Variants in ANKRD31 observed in about 807,000 individuals in gnomAD.
ANKRD31 encodes ankyrin repeat domain 31, also known as ankyrin repeat domain-containing protein 31.
A neutral mutation model predicts 186.0 loss-of-function variants in ANKRD31; 147 were observed. The ratio of observed to expected loss-of-function variants is 0.79; its 90% CI spans 0.69 to 0.91. The LOEUF (loss-of-function observed/expected upper bound fraction) is 0.91, where lower values mean the gene tolerates loss of function less well. ANKRD31 is among the 40% of genes least tolerant of loss of function. ANKRD31 has a pLI of 0.00. For missense variants in ANKRD31, 1,986 were observed against 2,148.8 expected, an observed-to-expected ratio of 0.92 and a Z score of 1.50; for synonymous variants, 673 against 736.4, an observed-to-expected ratio of 0.91 and a Z score of 1.39.
chr5:75,126,412 A>G (rs1749261087), intron 17 of ANKRD31, among the ~76,000 whole-genome samples: 1 of 152,180 alleles, frequency 6.6e-6, no homozygotes, highest in Non-Finnish European at 1.5e-5. Context: ...ACTGCACCCC[A>G]ATATGGGTGA....
chr5:75,203,787 C>T (rs890540398), intron 5 of ANKRD31, among the ~76,000 whole-genome samples: 3 of 152,062 alleles, frequency 2.0e-5, no homozygotes, highest in African/African-American at 7.2e-5. Context: ...TCCTCATACA[C>T]ACACACAAAA....
intron 10 of ANKRD31, among the ~76,000 whole-genome samples, chr5:75,171,374 CA>C (rs1753307995): frequency 6.6e-6 from 1 of 151,582 alleles, no homozygotes; most frequent in Non-Finnish European, 1.5e-5. Flanking sequence ...ATCACTGGAT[CA>C]AAGAAGAAAG....
chr5:75,210,821 T>A lies in ANKRD31; in HGVS notation c.326+7A>T. On this transcript the variant is annotated splice_region_variant and intron_variant, in intron 4 of 25. Transcript: ENST00000506364. The stretch of plus-strand genomic sequence containing the variant: ...AACATAATGAAGCCAAAAATTAGTA[T>A]ACTTACTGTAACAGAGCTTGATTTC... The A allele has an allele frequency of 6.7e-7, 1 of 1,497,846 alleles. No homozygotes were observed. The highest frequency in any genetic ancestry group is 8.8e-7 in the Non-Finnish European group (1 of 1,133,958). The allele number at this position is 1,497,846 out of a possible 1,614,324, so 92.8% of individuals were successfully genotyped here.
chr5:75,082,060 G>T (rs1745125546), intron 24 of ANKRD31, among the ~76,000 whole-genome samples: 1 of 152,140 alleles, frequency 6.6e-6, no homozygotes, highest in African/African-American at 2.4e-5. Context: ...CTTCCCCACA[G>T]TTATTAATGT....
In ANKRD31 at chr5:75,107,524, T is replaced by C; in HGVS notation, c.4337A>G (p.Tyr1446Cys). Residue 1446 changes from tyrosine to cysteine, a missense_variant, in exon 21 of 26, where the codon TAC becomes TGC. By Grantham distance (194) the Tyr-to-Cys change is radical. Transcript: ENST00000506364. ...KAERDDLAKKYRVSIESFKHG... is the reference protein window; with the variant it reads ...KAERDDLAKKCRVSIESFKHG... ...TTTTTTTTCTTTTTCTACTCACCTG[T>C]ATTTTTTAGCCAGATCATCCCTTTC... is the stretch of plus-strand genomic sequence containing the variant. 2 of 1,520,314 alleles carry C rather than the reference T, an allele frequency of 1.3e-6. No homozygotes were observed. Among genetic ancestry groups the C allele is most frequent in the Non-Finnish European group, 1.8e-6 (2 of 1,137,564 alleles). 94.2% of individuals were successfully genotyped at this position (1,520,314 alleles called of 1,614,324 possible).
chr5:75,220,125 CA>C (rs1757192252), intron 3 of ANKRD31, among the ~76,000 whole-genome samples: 1 of 152,064 alleles, frequency 6.6e-6, no homozygotes, highest in Non-Finnish European at 1.5e-5. Flanking sequence ...ACAAGAAAAA[CA>C]AAAACTGACA....
chr5:75,081,378 G>T (rs1745066172), intron 24 of ANKRD31, among the ~76,000 whole-genome samples: 1 of 152,096 alleles, frequency 6.6e-6, no homozygotes, highest in African/African-American at 2.4e-5. Flanking sequence ...GAAAAATCAG[G>T]ATTTGTGAAA....
At position 75,146,018 on chromosome 5, in the gene ANKRD31, TTGAC is replaced by T. The variant is rs1751405388; in HGVS notation, c.3389_3392del (p.Ser1130LysfsTer15). On this transcript the variant is annotated frameshift_variant, in exon 14 of 26. Coordinates refer to ENST00000506364, the MANE Select transcript of ANKRD31 (RefSeq NM_001372053.1). LOFTEE classifies it high-confidence loss of function. ...TGTGAGAAATTTCCTTCTTTTCTCT[TTGAC>T]TAAGTTTTGAGATGTTGGCCAATTC... 3 of 1,495,956 alleles carry T rather than the reference TTGAC, an allele frequency of 2.0e-6. No individual in the cohort carries two copies. The highest frequency in any genetic ancestry group is 1.4e-5 in the African/African-American group (1 of 70,640). The allele number at this position is 1,495,956 out of a possible 1,614,324, so 92.7% of individuals were successfully genotyped here.
Position 75,146,743 on chromosome 5 carries a change from A to G in ANKRD31, c.2668T>C (p.Phe890Leu), listed in dbSNP as rs1244710651. The G allele has an allele frequency of 6.5e-7, 1 of 1,536,256 alleles. No individual in the cohort carries two copies. The highest frequency in any genetic ancestry group is 8.7e-7 in the Non-Finnish European group (1 of 1,146,356). The change falls in exon 14 of 26, where the codon TTC becomes CTC. Residue 890 changes from phenylalanine (F) to leucine (L), a missense_variant. Transcript: ENST00000506364. ...DERFNKWENS[F>L]LSFVKENSDN... ...GAATTTTCCTTTACAAAGGATAGGAAAGAATTTTCCCATTTGTTAAATCTC... is the reference window on the plus strand; with the variant it reads ...GAATTTTCCTTTACAAAGGATAGGAGAGAATTTTCCCATTTGTTAAATCTC...
At chr5:75,089,617 G>C (rs1466508150) in intron 23 of ANKRD31, among the ~76,000 whole-genome samples, 2 of 152,110 alleles carry the variant, frequency 1.3e-5, no homozygotes, top group Non-Finnish European at 2.9e-5. Flanking sequence ...AAATCACTAG[G>C]GTAATGTTTC....
chr5:75,170,205 A>G (rs767559592), intron 10 of ANKRD31, among the ~76,000 whole-genome samples: 1 of 152,186 alleles, frequency 6.6e-6, no homozygotes, highest in African/African-American at 2.4e-5. Flanking sequence ...GACTATATGT[A>G]TTCAATGTCC....
chr5:75,232,615 T>G (rs1405731549), intron 1 of ANKRD31, among the ~76,000 whole-genome samples: 1 of 152,062 alleles, frequency 6.6e-6, no homozygotes, highest in Non-Finnish European at 1.5e-5. Flanking sequence ...GGAAGAATTT[T>G]GGGGGATAAT....
intron 15 of ANKRD31, among the ~76,000 whole-genome samples, chr5:75,141,802 AAAC>A (rs945292182): frequency 5.3e-5 from 8 of 152,072 alleles, no homozygotes; most frequent in Admixed American, 3.3e-4. Context: ...ACCCTGTCTC[AAAC>A]AACAACAACA....
chr5:75,154,122 T>C, intron 12 of ANKRD31, 79 bp downstream of exon 12: 1 of 1,259,828 alleles, frequency 7.9e-7, no homozygotes, highest in Non-Finnish European at 1.0e-6. Context: ...AAAATAAATT[T>C]AATTTCTTTA....
intron 10 of ANKRD31, among the ~76,000 whole-genome samples, chr5:75,173,277 C>T: frequency 6.6e-6 from 1 of 152,124 alleles, no homozygotes. Context: ...CAGCCAATAT[C>T]ATACTGAATG....
intron 22 of ANKRD31, among the ~76,000 whole-genome samples, chr5:75,098,284 G>C (rs912630582): frequency 6.6e-6 from 1 of 152,074 alleles, no homozygotes; most frequent in Admixed American, 6.6e-5. Context: ...ACCGTGCCCG[G>C]CCTATATCTC....
intron 17 of ANKRD31, 115 bp from the exon 18 acceptor site, chr5:75,118,412 T>G: frequency 3.8e-6 from 4 of 1,052,600 alleles, no homozygotes; most frequent in Non-Finnish European, 5.1e-6. Context: ...GTTTTCAAAC[T>G]CAGGTCAAGA....
At position 75,104,323 on chromosome 5, in the gene ANKRD31, T is replaced by G. The variant is rs1386943691; in HGVS notation, c.5236A>C (p.Ser1746Arg). The change falls in exon 22 of 26, where the codon AGT becomes CGT. Residue 1746 changes from serine to arginine, a missense_variant. Transcript: ENST00000506364. ...ATACATTTCTTTTTAGGAGCTGTAC[T>G]GTAGTTTAAAGCCTTTTTTATTGTA... ...QDTIKKALNY[S>R]TAPKKKCIQI... 1 of 1,537,224 alleles carries G rather than the reference T, an allele frequency of 6.5e-7. No individual in the cohort carries two copies. The highest frequency in any genetic ancestry group is 2.4e-5 in the East Asian group (1 of 40,908).
chr5:75,080,602 G>C lies in ANKRD31; in HGVS notation c.5613C>G (p.Asn1871Lys), dbSNP rs760315290. ...ATTTTGTTTTCTCAAACATTGATTT[G>C]TTTGGTTCCTGTACTGGGTCATCTA... ...ACLDDPVQEPNKSMFEKTKFG... is the reference protein window; with the variant it reads ...ACLDDPVQEPKKSMFEKTKFG... The change falls in exon 25 of 26, where the codon AAC (asparagine) becomes AAG (lysine). Residue 1871 changes from asparagine to lysine, a missense_variant. By Grantham distance (94) the Asn-to-Lys change is moderately conservative. Coordinates refer to ENST00000506364, the MANE Select transcript of ANKRD31 (RefSeq NM_001372053.1). 42 of 1,522,920 alleles carry C rather than the reference G, an allele frequency of 2.8e-5. No individual in the cohort carries two copies. In the African/African-American group the frequency reaches 5.7e-4, roughly 21 times the overall value. The allele number at this position is 1,522,920 out of a possible 1,614,324, so 94.3% of individuals were successfully genotyped here.
Sources: gnomAD v4.1 joint callset for allele counts (sites outside exome capture counted in the v4.1 genomes callset) on GRCh38, gnomAD v4.1.1 for gene constraint, MANE v1.5 for transcripts, NCBI Gene and HGNC (gene_info 2026-07-23, HGNC 2026-07-21) for gene names.